Variants in SLC25A28 observed in about 807,000 individuals in gnomAD.
The protein encoded by SLC25A28 is mitoferrin-2.
SLC25A28 carries 10 observed loss-of-function variants against 31.9 expected under a neutral mutation model. That is an observed-to-expected ratio of 0.31 (90% CI 0.19 to 0.53). The LOEUF (loss-of-function observed/expected upper bound fraction) is 0.53. Among genes scored for constraint, SLC25A28 ranks in the 20% least tolerant of loss-of-function variants. The pLI is 0.95. For synonymous variants in SLC25A28, 208 were observed against 203.6 expected, an observed-to-expected ratio of 1.02 and a Z score of -0.19; for missense variants, 256 against 490.3, an observed-to-expected ratio of 0.52 and a Z score of 4.51.
chr10:99,645,761 G>C, the SLC25A28 span, among the ~76,000 whole-genome samples: 1 of 152,144 alleles, frequency 6.6e-6, no homozygotes, highest in Non-Finnish European at 1.5e-5. Flanking sequence ...CTTTCTGTTT[G>C]TTAGTTTTCC....
At chr10:99,625,131 A>T (rs550462036), upstream of SLC25A28, among the ~76,000 whole-genome samples, 5 of 151,986 alleles carry the variant, frequency 3.3e-5, no homozygotes, top group East Asian at 9.7e-4. Flanking sequence ...TGACTTCATG[A>T]TTGAAGCCGC....
the SLC25A28 span, among the ~76,000 whole-genome samples, chr10:99,639,923 T>C: frequency 2.0e-5 from 3 of 152,048 alleles, no homozygotes; most frequent in Non-Finnish European, 4.4e-5. Context: ...CCCAGCAGTA[T>C]GTTAAGGGAC....
chr10:99,610,538 TTTA>T lies in SLC25A28; in HGVS notation c.*308_*310del, dbSNP rs1331081102. ...ATGAAACCATTTAATTTAAAGGCTT[TTTA>T]TTAGGAACCAGGGGAATGAGCTGCT... On this transcript the variant is annotated 3_prime_UTR_variant, in exon 4 of 4. Coordinates refer to ENST00000370495, the MANE Select transcript of SLC25A28 (RefSeq NM_031212.4). 1.3e-5 allele frequency: 4 copies of T among 296,402 alleles called. No homozygotes were observed. In the East Asian group the frequency reaches 2.4e-4, roughly 18 times the overall value. The allele number at this position is 296,402 out of a possible 1,614,324, so 18.4% of individuals were successfully genotyped here.
chr10:99,615,418 C>T (rs1259106501), intron 1 of SLC25A28: 1 of 982,810 alleles, frequency 1.0e-6, no homozygotes, highest in Non-Finnish European at 1.2e-6. Flanking sequence ...AAGAGTAATA[C>T]CTTTCCTCAA....
Position 99,620,135 on chromosome 10 carries a change from C to A in SLC25A28, c.201G>T (p.Pro67=). 2 of 1,580,402 alleles carry A rather than the reference C, an allele frequency of 1.3e-6. No homozygotes were observed. Among genetic ancestry groups the A allele is most frequent in the Non-Finnish European group, 1.7e-6 (2 of 1,171,206 alleles). Residue 67 remains proline, a synonymous_variant, in exon 1 of 4, where the codon CCG becomes CCT. Transcript: ENST00000370495. ...TGTGCGTGGTGACAGTGGCTCCAGC[C>A]GGCAGCGCCTCGTAGTCCGGGCCGG... ...PDSGPDYEAL[P]AGATVTTHMV...
chr10:99,619,917 T>G, intron 1 of SLC25A28, 128 bp downstream of exon 1: 1 of 931,860 alleles, frequency 1.1e-6, no homozygotes, highest in Non-Finnish European at 1.5e-6. Flanking sequence ...GTTCGAATCA[T>G]GTGGTAGTGG....
chr10:99,646,675 A>C, the SLC25A28 span, among the ~76,000 whole-genome samples: 2 of 152,272 alleles, frequency 1.3e-5, no homozygotes, highest in Middle Eastern at 6.8e-3. Context: ...TTCCTATTCG[A>C]CCATCTTGGA....
At chr10:99,617,291 G>T (rs1373743716) in intron 1 of SLC25A28, 10 of 985,324 alleles carry the variant, frequency 1.0e-5, no homozygotes, top group Non-Finnish European at 1.2e-5. Context: ...GAAATAGCTG[G>T]TTGAATAACC....
the SLC25A28 span, among the ~76,000 whole-genome samples, chr10:99,641,909 C>T: frequency 6.6e-6 from 1 of 152,110 alleles, no homozygotes; most frequent in Non-Finnish European, 1.5e-5. Context: ...GGGCTCTGTT[C>T]TGTTCCATTA....
chr10:99,619,463 G>C (rs1259878931), intron 1 of SLC25A28: 4 of 958,426 alleles, frequency 4.2e-6, no homozygotes, highest in Non-Finnish European at 5.0e-6. Flanking sequence ...TCCTGAATAC[G>C]ATCTTTCCCA....
the SLC25A28 span, among the ~76,000 whole-genome samples, chr10:99,645,020 C>A: frequency 6.6e-6 from 1 of 152,134 alleles, no homozygotes; most frequent in Non-Finnish European, 1.5e-5. Flanking sequence ...GTGAATCTGA[C>A]AATTATGTGT....
the SLC25A28 span, among the ~76,000 whole-genome samples, chr10:99,630,923 G>A: frequency 6.6e-6 from 1 of 152,158 alleles, no homozygotes; most frequent in African/African-American, 2.4e-5. Context: ...GACATTTGAA[G>A]TAATATTTTA....
intron 1 of SLC25A28, chr10:99,617,042 AT>A: frequency 1.0e-6 from 1 of 985,250 alleles, no homozygotes; most frequent in Non-Finnish European, 1.2e-6. Context: ...GAAATTGGAG[AT>A]TTATCTCCCT....
intron 1 of SLC25A28, chr10:99,617,216 C>G: frequency 3.0e-6 from 3 of 985,408 alleles, no homozygotes; most frequent in Non-Finnish European, 3.6e-6. Flanking sequence ...TGGCGCTTGC[C>G]TTTGAGGCCC....
chr10:99,620,610 C>T (rs1267797900), upstream of SLC25A28: 36 of 1,002,076 alleles, frequency 3.6e-5, no homozygotes, highest in Non-Finnish European at 3.9e-5. Flanking sequence ...TACATCCCAC[C>T]TTTTCCCCTT....
the SLC25A28 span, among the ~76,000 whole-genome samples, chr10:99,626,050 T>C: frequency 6.6e-6 from 1 of 152,214 alleles, no homozygotes; most frequent in Non-Finnish European, 1.5e-5. Context: ...CATTTCCCCC[T>C]TTGTTCTTAT....
Position 99,610,608 on chromosome 10 carries a change from A to G in SLC25A28, c.*241T>C. 1 of 547,226 alleles carries G rather than the reference A, an allele frequency of 1.8e-6. No homozygotes were observed. The highest frequency in any genetic ancestry group is 3.3e-6 in the Non-Finnish European group (1 of 304,518). 33.9% of individuals were successfully genotyped at this position (547,226 alleles called of 1,614,324 possible). A position where few individuals can be genotyped will look rare whatever the true frequency, so the allele number is the denominator to read the frequency against. On this transcript the variant is annotated 3_prime_UTR_variant, in exon 4 of 4. Transcript: ENST00000370495. Reference sequence around the variant, plus strand: ...TCTAGAGCAGGTCATCAGGCCCAGGATGGAGAGAGGTTATCAAAGGTGCTG... The same window carrying G: ...TCTAGAGCAGGTCATCAGGCCCAGGGTGGAGAGAGGTTATCAAAGGTGCTG...
the SLC25A28 span, among the ~76,000 whole-genome samples, chr10:99,638,128 A>G: frequency 6.6e-6 from 1 of 152,320 alleles, no homozygotes; most frequent in East Asian, 1.9e-4. Context: ...TAGAGAACCC[A>G]GAAATAATCC....
the SLC25A28 span, among the ~76,000 whole-genome samples, chr10:99,646,971 A>T: frequency 6.6e-6 from 1 of 152,158 alleles, no homozygotes; most frequent in African/African-American, 2.4e-5. Flanking sequence ...TTCAAGTTCC[A>T]CCAGTGTTGC....
Sources: gnomAD v4.1 joint callset for allele counts (sites outside exome capture counted in the v4.1 genomes callset) on GRCh38, gnomAD v4.1.1 for gene constraint, MANE v1.5 for transcripts, NCBI Gene and HGNC (gene_info 2026-07-23, HGNC 2026-07-21) for gene names.